The following PDZRN4 variants were observed in gnomAD, a reference collection of about 807,000 sequenced individuals.
PDZRN4 encodes PDZ domain containing ring finger 4.
A neutral mutation model predicts 99.0 loss-of-function variants in PDZRN4; 70 were observed. The observed-to-expected ratio is 0.71, with a 90% CI of 0.58 to 0.86. The LOEUF is 0.86. PDZRN4 is among the 40% of genes least tolerant of loss of function. The pLI, the probability that PDZRN4 is intolerant of heterozygous loss-of-function variation, is 0.00. For missense variants in PDZRN4, 1,474 were observed against 1,331.2 expected, an observed-to-expected ratio of 1.11 and a Z score of -1.67; for synonymous variants, 551 against 501.6, an observed-to-expected ratio of 1.10 and a Z score of -1.32.
intron 3 of PDZRN4, among the ~76,000 whole-genome samples, chr12:41,417,644 A>G (rs569191368): frequency 4.5e-4 from 68 of 152,300 alleles, no homozygotes; most frequent in African/African-American, 1.5e-3. Context: ...AAGTAGTGAG[A>G]AAGTATAGAG....
chr12:41,190,502 A>T (rs1566346060), intron 1 of PDZRN4, among the ~76,000 whole-genome samples: 1 of 152,232 alleles, frequency 6.6e-6, no homozygotes, highest in South Asian at 2.1e-4. Flanking sequence ...CCATGCAACA[A>T]GTCAAGCTAT....
intron 3 of PDZRN4, among the ~76,000 whole-genome samples, chr12:41,283,361 C>G: frequency 6.6e-6 from 1 of 152,136 alleles, no homozygotes; most frequent in African/African-American, 2.4e-5. Flanking sequence ...GAAATTGAGG[C>G]AGTAATTAAT....
chr12:41,256,434 T>C (rs1021011149), intron 3 of PDZRN4, among the ~76,000 whole-genome samples: 7 of 152,320 alleles, frequency 4.6e-5, no homozygotes, highest in South Asian at 2.1e-4. Context: ...CTCCATTCAA[T>C]TGAATATTCA....
At chr12:41,528,900 T>C (rs971100501) in intron 5 of PDZRN4, among the ~76,000 whole-genome samples, 8 of 152,326 alleles carry the variant, frequency 5.3e-5, no homozygotes, top group Non-Finnish European at 1.2e-4. Context: ...AAAATTTTTA[T>C]TGCAGTTTTT....
intron 3 of PDZRN4, among the ~76,000 whole-genome samples, chr12:41,299,522 G>C (rs1207201409): frequency 2.0e-5 from 3 of 151,852 alleles, no homozygotes; most frequent in African/African-American, 7.3e-5. Flanking sequence ...ATAATCCCCT[G>C]TTTTTTTAGG....
intron 3 of PDZRN4, among the ~76,000 whole-genome samples, chr12:41,492,832 G>A (rs1937916328): frequency 6.6e-6 from 1 of 152,124 alleles, no homozygotes; most frequent in Admixed American, 6.6e-5. Context: ...GAATGAAAAA[G>A]ATATAGACAA....
intron 3 of PDZRN4, among the ~76,000 whole-genome samples, chr12:41,323,704 T>G (rs944093433): frequency 2.6e-5 from 4 of 151,986 alleles, no homozygotes; most frequent in African/African-American, 9.6e-5. Context: ...ATGCTATAAT[T>G]TGAACATTTA....
At chr12:41,524,581 G>C (rs1938541718) in intron 5 of PDZRN4, among the ~76,000 whole-genome samples, 1 of 152,108 alleles carries the variant, frequency 6.6e-6, no homozygotes, top group Non-Finnish European at 1.5e-5. Context: ...AAAAAGGCCA[G>C]AGTTGTTGGA....
chr12:41,475,035 G>A (rs1458160), intron 3 of PDZRN4, among the ~76,000 whole-genome samples: 83,419 of 151,928 alleles, frequency 0.55, 24,021 homozygotes, highest in African/African-American at 0.74. Context: ...TGTACATTGG[G>A]TGTACTTATA....
At chr12:41,516,794 G>A (rs1422716013) in intron 5 of PDZRN4, among the ~76,000 whole-genome samples, 1 of 151,078 alleles carries the variant, frequency 6.6e-6, no homozygotes, top group Non-Finnish European at 1.5e-5. Flanking sequence ...ACTTTCGAAA[G>A]TATCCTAGAC....
Position 41,188,586 on chromosome 12 carries a change from C to G in PDZRN4, c.131C>G (p.Pro44Arg). Residue 44 changes from proline (P) to arginine (R), a missense_variant, in exon 1 of 10, where the codon CCC becomes CGC. Physicochemically the swap from Pro to Arg is moderately radical, Grantham distance 103. Transcript: ENST00000402685. ...GTCTTCTGCGCCAGCTGCCTGTTGC[C>G]CTGGGCGGTGCGGAGGCGCCGGTGC... ...GHVFCASCLL[P>R]WAVRRRRCPL... 12 of 1,543,648 alleles carry G rather than the reference C, an allele frequency of 7.8e-6. No individual in the cohort carries two copies. Among genetic ancestry groups the G allele is most frequent in the Non-Finnish European group, 9.6e-6 (11 of 1,151,542 alleles).
At chr12:41,249,964 C>G (rs1951157438) in intron 3 of PDZRN4, among the ~76,000 whole-genome samples, 2 of 152,148 alleles carry the variant, frequency 1.3e-5, no homozygotes, top group African/African-American at 4.8e-5. Flanking sequence ...GCACACTTTT[C>G]TCCAGGAAGC....
At chr12:41,327,679 A>C (rs1951718873) in intron 3 of PDZRN4, among the ~76,000 whole-genome samples, 1 of 152,190 alleles carries the variant, frequency 6.6e-6, no homozygotes, top group Non-Finnish European at 1.5e-5. Flanking sequence ...TTCTGTTGTT[A>C]AAGAACTCAC....
At chr12:41,326,555 G>T (rs1321963968) in intron 3 of PDZRN4, among the ~76,000 whole-genome samples, 1 of 152,150 alleles carries the variant, frequency 6.6e-6, no homozygotes, top group Non-Finnish European at 1.5e-5. Flanking sequence ...ATTAAAAAGT[G>T]AGTAGAAAAT....
chr12:41,481,610 TA>T (rs1274504277), intron 3 of PDZRN4, among the ~76,000 whole-genome samples: 2 of 152,144 alleles, frequency 1.3e-5, no homozygotes, highest in Admixed American at 6.5e-5. Context: ...ACATGTTCCT[TA>T]AACTTCCCTT....
In PDZRN4 at chr12:41,573,314, A is replaced by G; in HGVS notation, c.2535A>G (p.Ala845=). The G allele has an allele frequency of 6.2e-7, 1 of 1,613,400 alleles. No homozygotes were observed. ...SSSYRYANIP[A]HARHYQSYMQ... ...CATATAGATATGCAAACATCCCAGC[A>G]CACGCCCGGCATTATCAAAGCTACA... The change falls in exon 10 of 10, where the codon GCA becomes GCG. Residue 845 remains alanine (A), a synonymous_variant. Transcript: ENST00000402685.
intron 3 of PDZRN4, among the ~76,000 whole-genome samples, chr12:41,293,286 C>T (rs17129215): frequency 0.13 from 19,201 of 147,608 alleles, 1,634 homozygotes; most frequent in African/African-American, 0.25. Context: ...AATGTAATTT[C>T]CCTGGTGCTG....
At chr12:41,320,471 C>G (rs1327053374) in intron 3 of PDZRN4, among the ~76,000 whole-genome samples, 1 of 152,176 alleles carries the variant, frequency 6.6e-6, no homozygotes, top group Non-Finnish European at 1.5e-5. Context: ...GCTTTGTTAT[C>G]TGGGATGTTG....
chr12:41,260,398 A>G (rs1951229367), intron 3 of PDZRN4, among the ~76,000 whole-genome samples: 2 of 152,140 alleles, frequency 1.3e-5, no homozygotes, highest in South Asian at 2.1e-4. Flanking sequence ...AACAAGCAGT[A>G]CAATTGAGTG....
Sources: allele counts gnomAD v4.1 joint callset (sites outside exome capture counted in the v4.1 genomes callset), GRCh38; gene constraint gnomAD v4.1.1; transcripts MANE v1.5; gene names NCBI Gene and HGNC (gene_info 2026-07-23, HGNC 2026-07-21).